The following EVI5 variants were observed in gnomAD, a reference collection of about 807,000 sequenced individuals.
The protein encoded by EVI5 is ecotropic viral integration site 5, also known as ecotropic viral integration site 5 protein homolog.
A neutral mutation model predicts 112.0 loss-of-function variants in EVI5; 73 were observed. The observed-to-expected ratio is 0.65, with a 90% CI of 0.54 to 0.79. The LOEUF is 0.79. EVI5 is among the 30% of genes least tolerant of loss of function. EVI5 has a pLI of 0.00. For missense variants in EVI5, 900 were observed against 968.8 expected (o/e 0.93, Z 0.94); for synonymous variants, 305 against 319.9 (o/e 0.95, Z 0.50).
chr1:92,668,566 T>C (rs1476638782), intron 10 of EVI5, among the ~76,000 whole-genome samples: 1 of 152,206 alleles, frequency 6.6e-6, no homozygotes, highest in Non-Finnish European at 1.5e-5. Flanking sequence ...AAAACACTCA[T>C]CTGGATTTCC....
chr1:92,638,735 G>A (rs924522648), intron 13 of EVI5, among the ~76,000 whole-genome samples: 1 of 151,942 alleles, frequency 6.6e-6, no homozygotes, highest in African/African-American at 2.4e-5. Flanking sequence ...AACTAATAGG[G>A]TACACCAAGG....
rs1378880741 is a variant in EVI5, at chr1:92,590,067, A to G, written c.2070+15240T>C. ...GCAGCTAACGGTCCTGACTGTTAGA[A>G]GGAAAACTAACAAACAGAAAGGACA... On this transcript the variant is annotated intron_variant, in intron 18 of 19. Coordinates refer to ENST00000684568, the MANE Select transcript of EVI5 (RefSeq NM_001350197.2). Among the ~76,000 whole-genome samples, 3 of 152,346 alleles carry G rather than the reference A, an allele frequency of 2.0e-5. No homozygotes were observed. In the Middle Eastern group the frequency reaches 0.01, roughly 518 times the overall value.
At chr1:92,726,660 A>T (rs574644027) in intron 2 of EVI5, among the ~76,000 whole-genome samples, 1 of 152,214 alleles carries the variant, frequency 6.6e-6, no homozygotes, top group Non-Finnish European at 1.5e-5. Flanking sequence ...GTAAACACAT[A>T]AAAGTTTTTT....
intron 19 of EVI5, among the ~76,000 whole-genome samples, chr1:92,535,614 T>C (rs1405534946): frequency 1.3e-5 from 2 of 152,186 alleles, no homozygotes; most frequent in African/African-American, 4.8e-5. Context: ...TGCAGGGATA[T>C]GGATGGAGTT....
upstream of EVI5, chr1:92,785,118 G>C (rs1685470620): frequency 1.0e-6 from 1 of 985,302 alleles, no homozygotes; most frequent in South Asian, 4.7e-5. Context: ...CAAGGCGCAG[G>C]CGCGGGAGGG....
intron 2 of EVI5, chr1:92,714,034 T>C: frequency 1.0e-6 from 1 of 984,850 alleles, no homozygotes; most frequent in Non-Finnish European, 1.2e-6. Context: ...TTTGTGATTT[T>C]AAAATGAAAA....
At chr1:92,739,102 G>A (rs1009481943) in intron 1 of EVI5, among the ~76,000 whole-genome samples, 2 of 151,690 alleles carry the variant, frequency 1.3e-5, no homozygotes, top group Non-Finnish European at 1.5e-5. Flanking sequence ...ACAAAACCCC[G>A]TGTCTACTAA....
chr1:92,593,827 C>T (rs944496584), intron 18 of EVI5, among the ~76,000 whole-genome samples: 17 of 152,028 alleles, frequency 1.1e-4, no homozygotes, highest in African/African-American at 2.4e-5. Flanking sequence ...GCAATTGCTT[C>T]AAAGAGAATA....
At chr1:92,690,382 T>G (rs7546197) in intron 9 of EVI5, among the ~76,000 whole-genome samples, 108,298 of 150,378 alleles carry the variant, frequency 0.72, 39,792 homozygotes, top group East Asian at 0.94. Context: ...AGGGTCTCAC[T>G]CTATTGCCAA....
intron 2 of EVI5, chr1:92,714,210 C>T (rs762313813): frequency 3.6e-5 from 29 of 799,000 alleles, no homozygotes; most frequent in South Asian, 1.1e-4. Flanking sequence ...AAGTAATAGC[C>T]GCAGTAAAAC....
intron 19 of EVI5, among the ~76,000 whole-genome samples, chr1:92,527,949 T>A (rs1168979817): frequency 6.6e-6 from 1 of 152,236 alleles, no homozygotes; most frequent in East Asian, 1.9e-4. Context: ...TGTCTTTTGG[T>A]CAGTATATGT....
At position 92,772,942 on chromosome 1, in the gene EVI5, T is replaced by C. The variant is rs1434213711; in HGVS notation, c.-82+11894A>G. Among the ~76,000 whole-genome samples the C allele has an allele frequency of 2.1e-5, 3 of 139,594 alleles. No homozygotes were observed. In the Admixed American group the frequency reaches 2.2e-4, roughly 10 times the overall value. 91.6% of individuals were successfully genotyped at this position (139,594 alleles called of 152,430 possible). On this transcript the variant is annotated intron_variant, in intron 1 of 19. Transcript: ENST00000684568. ...AAAAAAAAGGGCCAGGCATGGTGGCTCACACTTGTAATCCCAGCACTTTCA... is the reference window on the plus strand; with the variant it reads ...AAAAAAAAGGGCCAGGCATGGTGGCCCACACTTGTAATCCCAGCACTTTCA...
At chr1:92,783,294 G>A (rs6694690) in intron 1 of EVI5, among the ~76,000 whole-genome samples, 135,623 of 150,040 alleles carry the variant, frequency 0.9, 61,388 homozygotes, top group South Asian at 0.97. Flanking sequence ...CGAAGGCCGA[G>A]GCGGGCAGAT....
intron 14 of EVI5, among the ~76,000 whole-genome samples, chr1:92,634,974 G>A (rs1658423880): frequency 6.6e-6 from 1 of 152,222 alleles, no homozygotes; most frequent in Non-Finnish European, 1.5e-5. Context: ...TGTATCAGCA[G>A]CGGAGGCTGC....
intron 14 of EVI5, among the ~76,000 whole-genome samples, chr1:92,634,374 G>C (rs950944318): frequency 6.6e-6 from 1 of 152,032 alleles, no homozygotes; most frequent in African/African-American, 2.4e-5. Flanking sequence ...GACTTTTTTC[G>C]TTTCTTTTTA....
intron 19 of EVI5, among the ~76,000 whole-genome samples, chr1:92,556,308 C>T (rs144875329): frequency 0.024 from 3,724 of 152,086 alleles, 171 homozygotes; most frequent in African/African-American, 0.085. Context: ...GTGATTCACC[C>T]GCCTCGGCTT....
chr1:92,754,302 GAA>G (rs1680595227), intron 1 of EVI5, among the ~76,000 whole-genome samples: 1 of 152,180 alleles, frequency 6.6e-6, no homozygotes, highest in Non-Finnish European at 1.5e-5. Context: ...CATTGAGTGG[GAA>G]AATAAGTAAG....
chr1:92,572,304 C>T (rs1364790220), intron 18 of EVI5, among the ~76,000 whole-genome samples: 1 of 151,968 alleles, frequency 6.6e-6, no homozygotes, highest in Non-Finnish European at 1.5e-5. Flanking sequence ...GATAAAGCAA[C>T]AGAAAAAGAA....
At chr1:92,656,761 C>T (rs1663054226) in intron 13 of EVI5, among the ~76,000 whole-genome samples, 1 of 152,178 alleles carries the variant, frequency 6.6e-6, no homozygotes, top group South Asian at 2.1e-4. Flanking sequence ...AACATCTCTA[C>T]ACTCACACTA....
Sources: allele counts gnomAD v4.1 joint callset (sites outside exome capture counted in the v4.1 genomes callset), GRCh38; gene constraint gnomAD v4.1.1; transcripts MANE v1.5; gene names NCBI Gene and HGNC (gene_info 2026-07-23, HGNC 2026-07-21).